Variants in IQCM observed in about 807,000 individuals in gnomAD.
The protein encoded by IQCM is IQ domain-containing protein M.
IQCM carries 45 observed loss-of-function variants against 57.6 expected under a neutral mutation model. That is an observed-to-expected ratio of 0.78 (90% confidence interval 0.62 to 1.00). The LOEUF is 1.00. Among genes scored for constraint, IQCM ranks in the 50% least tolerant of loss-of-function variants. IQCM has a pLI of 0.00. For synonymous variants in IQCM, 148 were observed against 158.9 expected (o/e 0.93, Z 0.51); for missense variants, 468 against 511.6 (o/e 0.91, Z 0.82).
In IQCM at chr4:149,724,188, A is replaced by T. The variant is rs1765691104; in HGVS notation, c.385+9056T>A. On this transcript the variant is annotated intron_variant, in intron 5 of 13. Coordinates refer to ENST00000636793, the MANE Select transcript of IQCM (RefSeq NM_001363507.2). ...TGGAATCTGCAGAGTTCATAGAACC[A>T]GTTCCCCACAGATACCAAGGAATGA... Among the ~76,000 whole-genome samples the T allele has an allele frequency of 2.0e-5, 3 of 152,044 alleles. No homozygotes were observed. The South Asian group carries it at 6.2e-4, about 31-fold the overall frequency.
chr4:149,645,691 T>C (rs1385958206), intron 7 of IQCM, among the ~76,000 whole-genome samples: 1 of 152,070 alleles, frequency 6.6e-6, no homozygotes, highest in East Asian at 1.9e-4. Context: ...ATATCAAATG[T>C]GCATATGGGG....
chr4:149,412,612 T>C (rs1733470841), intron 13 of IQCM, among the ~76,000 whole-genome samples: 1 of 152,148 alleles, frequency 6.6e-6, no homozygotes, highest in Non-Finnish European at 1.5e-5. Context: ...GAAAGATTAA[T>C]AAGATATGGC....
intron 7 of IQCM, among the ~76,000 whole-genome samples, chr4:149,659,743 T>C (rs1279682732): frequency 1.3e-5 from 2 of 152,124 alleles, no homozygotes; most frequent in Non-Finnish European, 2.9e-5. Context: ...GGATTCCCTA[T>C]TTAATAAATG....
At chr4:149,569,854 A>C (rs993283619) in intron 9 of IQCM, among the ~76,000 whole-genome samples, 1 of 152,132 alleles carries the variant, frequency 6.6e-6, no homozygotes, top group African/African-American at 2.4e-5. Flanking sequence ...AGAATTAATT[A>C]TCTAGAACTG....
intron 5 of IQCM, among the ~76,000 whole-genome samples, chr4:149,724,456 T>C (rs1765713916): frequency 6.6e-6 from 1 of 151,852 alleles, no homozygotes; most frequent in Non-Finnish European, 1.5e-5. Flanking sequence ...AAGGAACACA[T>C]AAACACTCTC....
At chr4:149,459,598 T>C (rs1295102381) in intron 12 of IQCM, among the ~76,000 whole-genome samples, 2 of 152,136 alleles carry the variant, frequency 1.3e-5, no homozygotes, top group Non-Finnish European at 2.9e-5. Context: ...CATTAAACAA[T>C]AAGTCCCCAC....
At chr4:149,604,813 T>C (rs1754630695) in intron 8 of IQCM, among the ~76,000 whole-genome samples, 1 of 152,194 alleles carries the variant, frequency 6.6e-6, no homozygotes, top group African/African-American at 2.4e-5. Flanking sequence ...TTTTAAGAAA[T>C]TTAGTTAATG....
intron 12 of IQCM, among the ~76,000 whole-genome samples, chr4:149,513,200 T>G (rs1200531418): frequency 6.6e-6 from 1 of 152,158 alleles, no homozygotes; most frequent in Non-Finnish European, 1.5e-5. Context: ...ACTTGGAAAA[T>G]ATACTCAGTG....
chr4:149,381,472 T>C (rs1280152382), intron 13 of IQCM, among the ~76,000 whole-genome samples: 5 of 152,104 alleles, frequency 3.3e-5, no homozygotes, highest in Non-Finnish European at 5.9e-5. Flanking sequence ...CATTGACTTC[T>C]TTCCAATTAC....
At chr4:149,718,323 AT>A in intron 5 of IQCM, among the ~76,000 whole-genome samples, 1 of 152,130 alleles carries the variant, frequency 6.6e-6, no homozygotes, top group Admixed American at 6.6e-5. Flanking sequence ...TGAAATATGT[AT>A]TTTTTTAAGC....
chr4:149,707,726 A>G (rs1478940432), intron 5 of IQCM, among the ~76,000 whole-genome samples: 1 of 151,968 alleles, frequency 6.6e-6, no homozygotes, highest in Non-Finnish European at 1.5e-5. Context: ...ATAAGTAATA[A>G]TGTTCTTGTC....
At chr4:149,507,118 C>T (rs971362941) in intron 12 of IQCM, among the ~76,000 whole-genome samples, 1 of 152,132 alleles carries the variant, frequency 6.6e-6, no homozygotes, top group East Asian at 1.9e-4. Flanking sequence ...TGCCTTTCAC[C>T]TTCCACCATG....
At chr4:149,722,009 C>A (rs891245337) in intron 5 of IQCM, among the ~76,000 whole-genome samples, 4 of 152,110 alleles carry the variant, frequency 2.6e-5, no homozygotes, top group African/African-American at 9.7e-5. Context: ...TGTGGTACCT[C>A]ATTGTGGTTT....
chr4:149,672,849 A>C (rs1041591609), intron 7 of IQCM, among the ~76,000 whole-genome samples: 1 of 152,210 alleles, frequency 6.6e-6, no homozygotes, highest in Non-Finnish European at 1.5e-5. Flanking sequence ...GTTGAAATGA[A>C]GGAAAAAATG....
At chr4:149,613,389 C>T (rs533695278) in intron 8 of IQCM, among the ~76,000 whole-genome samples, 19 of 152,154 alleles carry the variant, frequency 1.2e-4, no homozygotes, top group Admixed American at 1.1e-3. Context: ...GTTGAAATTT[C>T]CAAGTCAGAA....
intron 9 of IQCM, among the ~76,000 whole-genome samples, chr4:149,572,354 A>C (rs1751238679): frequency 6.6e-6 from 1 of 151,796 alleles, no homozygotes; most frequent in African/African-American, 2.4e-5. Flanking sequence ...TGGTACGATC[A>C]CAGCTCACTG....
intron 12 of IQCM, among the ~76,000 whole-genome samples, chr4:149,434,582 C>T (rs1440550780): frequency 6.6e-6 from 1 of 152,050 alleles, no homozygotes; most frequent in Non-Finnish European, 1.5e-5. Flanking sequence ...TATTTTCTGG[C>T]ACAGTGAATA....
chr4:149,536,118 T>C (rs1032487207), intron 12 of IQCM, among the ~76,000 whole-genome samples: 1 of 152,028 alleles, frequency 6.6e-6, no homozygotes, highest in Admixed American at 6.6e-5. Context: ...TCCAAAGGTA[T>C]TCAGCTCTAG....
intron 12 of IQCM, among the ~76,000 whole-genome samples, chr4:149,495,068 GC>G (rs1742513057): frequency 6.6e-6 from 1 of 152,004 alleles, no homozygotes; most frequent in Admixed American, 6.6e-5. Context: ...GAGATAAAGA[GC>G]CCCAGGTTGG....
Sources: gnomAD v4.1 joint callset for allele counts (sites outside exome capture counted in the v4.1 genomes callset) on GRCh38, gnomAD v4.1.1 for gene constraint, MANE v1.5 for transcripts, NCBI Gene and HGNC (gene_info 2026-07-23, HGNC 2026-07-21) for gene names.